VNN1: variants seen among roughly 807,000 people sequenced by gnomAD.
VNN1 encodes the protein pantetheinase.
A neutral mutation model predicts 41.9 loss-of-function variants in VNN1; 29 were observed. The observed-to-expected ratio is 0.69, with a 90% confidence interval of 0.52 to 0.94. VNN1 has a LOEUF of 0.94. Among genes scored for constraint, VNN1 ranks in the 40% least tolerant of loss-of-function variants. VNN1 has a pLI of 0.00. For synonymous variants in VNN1, 233 were observed against 224.4 expected (o/e 1.04, Z -0.34); for missense variants, 637 against 621.1 (o/e 1.03, Z -0.27).
At chr6:132,708,070 A>G (rs1422929252) in intron 2 of VNN1, among the ~76,000 whole-genome samples, 1 of 152,206 alleles carries the variant, frequency 6.6e-6, no homozygotes, top group Admixed American at 6.5e-5. Flanking sequence ...TACATCTACT[A>G]TGTACCCATG....
chr6:132,700,373 G>C (rs144421740), intron 2 of VNN1, among the ~76,000 whole-genome samples: 1 of 152,298 alleles, frequency 6.6e-6, no homozygotes, highest in Non-Finnish European at 1.5e-5. Flanking sequence ...CTCAGATGCT[G>C]TAAGGTGAAA....
chr6:132,699,169 T>C, intron 2 of VNN1: 1 of 372,946 alleles, frequency 2.7e-6, no homozygotes, highest in Non-Finnish European at 5.4e-6. Flanking sequence ...GGTTCACGGT[T>C]TCAGACTTGA....
rs73772935 is a variant in VNN1 at position 132,691,544 on chromosome 6, T to C, written c.1188+679A>G. 7.8e-3 allele frequency among the ~76,000 whole-genome samples: 1,181 copies of C among 152,208 alleles called. 5 individuals carry two copies. Among genetic ancestry groups the C allele is most frequent in the African/African-American group, 0.027 (1,131 of 41,516 alleles). On this transcript the variant is annotated intron_variant, in intron 5 of 6. Transcript: ENST00000367928. ...GGCATTTGTGAACATATAAGGAAAA[T>C]GGCTTAATTTGTTCAGGCAGGAAAT...
chr6:132,691,000 C>G (rs897298345), intron 5 of VNN1, among the ~76,000 whole-genome samples: 7 of 152,090 alleles, frequency 4.6e-5, no homozygotes, highest in African/African-American at 1.7e-4. Flanking sequence ...TGGGGCTCGC[C>G]ACGGATAAAG....
chr6:132,685,643 G>T (rs1778194460), intron 5 of VNN1, among the ~76,000 whole-genome samples: 1 of 152,004 alleles, frequency 6.6e-6, no homozygotes, highest in Non-Finnish European at 1.5e-5. Context: ...GCAGTAGAAA[G>T]AGCCAAGAAT....
chr6:132,704,649 A>T (rs1049791488), intron 2 of VNN1, among the ~76,000 whole-genome samples: 4 of 152,014 alleles, frequency 2.6e-5, no homozygotes, highest in Admixed American at 6.5e-5. Flanking sequence ...ATATTTTTTT[A>T]AACTAGAAAA....
intron 5 of VNN1, among the ~76,000 whole-genome samples, chr6:132,686,885 C>T (rs992048694): frequency 2.0e-5 from 3 of 151,558 alleles, no homozygotes; most frequent in Admixed American, 6.6e-5. Context: ...GTTGAAACTC[C>T]GAAGACAAGA....
intron 2 of VNN1, among the ~76,000 whole-genome samples, chr6:132,703,030 A>C (rs539416863): frequency 6.6e-6 from 1 of 152,322 alleles, no homozygotes; most frequent in East Asian, 1.9e-4. Flanking sequence ...GTACCAACTT[A>C]GCCACAGTAA....
chr6:132,690,926 G>A (rs2114341665), intron 5 of VNN1, among the ~76,000 whole-genome samples: 1 of 152,292 alleles, frequency 6.6e-6, no homozygotes, highest in Admixed American at 6.5e-5. Context: ...AGCTCTGTGG[G>A]AAATATCCAG....
Position 132,714,036 on chromosome 6 carries a change from G to C in VNN1, c.-1C>G, listed in dbSNP as rs1474185164. On this transcript the variant is annotated 5_prime_UTR_variant, in exon 1 of 7. Transcript: ENST00000367928. ...CGTAAGCTGGCAACTGAGTAGTCAT[G>C]CTGAAGTCCAATGAGTGCTGAAAAA... 1 of 1,610,170 alleles carries C rather than the reference G, an allele frequency of 6.2e-7. No individual in the cohort carries two copies. Among genetic ancestry groups the C allele is most frequent in the East Asian group, 2.2e-5 (1 of 44,690 alleles).
At position 132,706,673 on chromosome 6, in the gene VNN1, A is replaced by T. The variant is rs1340114493; in HGVS notation, c.341+5036T>A. On this transcript the variant is annotated intron_variant, in intron 2 of 6. Coordinates refer to ENST00000367928, the MANE Select transcript of VNN1 (RefSeq NM_004666.3). Reference sequence around the variant, plus strand: ...GGACAAATGGAATCACATGAAGGTAAAAAGCTTCTGCACAGCAGGGGAAAC... The same window carrying T: ...GGACAAATGGAATCACATGAAGGTATAAAGCTTCTGCACAGCAGGGGAAAC... Among the ~76,000 whole-genome samples, 3 of 152,172 alleles carry T rather than the reference A, an allele frequency of 2.0e-5. No homozygotes were observed. In the East Asian group the frequency reaches 5.8e-4, roughly 29 times the overall value.
In VNN1 at chr6:132,683,593, T is replaced by C. The variant is rs1275275808; in HGVS notation, c.1360-271A>G. ...GAGTTAATAAACACAAACCAGTGGA[T>C]TTGGCAGTATACAGAAGAGAAACCT... On this transcript the variant is annotated intron_variant, in intron 6 of 6. Transcript: ENST00000367928. Among the ~76,000 whole-genome samples, 6 of 152,284 alleles carry C rather than the reference T, an allele frequency of 3.9e-5. No individual in the cohort carries two copies. The East Asian group carries it at 9.6e-4, about 24-fold the overall frequency.
At chr6:132,709,556 C>T (rs562206141) in intron 2 of VNN1, among the ~76,000 whole-genome samples, 4 of 151,500 alleles carry the variant, frequency 2.6e-5, no homozygotes, top group African/African-American at 7.3e-5. Flanking sequence ...TTGTCATCTT[C>T]GGGAGGCTGA....
In VNN1 at chr6:132,713,846, T is replaced by C; in HGVS notation, c.190A>G (p.Ile64Val). Reference sequence around the variant, plus strand: ...GGTACCTGATCTGCTGCTGATGTGATCGCTCCTTCCAAAATGTCCAGATTC... The same window carrying C: ...GGTACCTGATCTGCTGCTGATGTGACCGCTCCTTCCAAAATGTCCAGATTC... ...NRNLDILEGAITSAADQGAHI... is the reference protein window; with the variant it reads ...NRNLDILEGAVTSAADQGAHI... The change falls in exon 1 of 7, where the codon ATC (isoleucine) becomes GTC (valine). Residue 64 changes from isoleucine (I) to valine (V), a missense_variant. Transcript: ENST00000367928. 1 of 1,613,038 alleles carries C rather than the reference T, an allele frequency of 6.2e-7. No homozygotes were observed. Among genetic ancestry groups the C allele is most frequent in the Admixed American group, 1.7e-5 (1 of 60,020 alleles).
At chr6:132,707,776 G>T (rs1444359882) in intron 2 of VNN1, among the ~76,000 whole-genome samples, 1 of 152,194 alleles carries the variant, frequency 6.6e-6, no homozygotes, top group Non-Finnish European at 1.5e-5. Context: ...AGGCTGGGAA[G>T]GGTAGTTAGG....
In VNN1 at chr6:132,711,699, G is replaced by C. The variant is rs775792717; in HGVS notation, c.341+10C>G. The C allele has an allele frequency of 1.6e-5, 25 of 1,604,358 alleles. 1 individual carries two copies. The South Asian group carries it at 2.8e-4, about 18-fold the overall frequency. On this transcript the variant is annotated intron_variant, in intron 2 of 6. Coordinates refer to ENST00000367928, the MANE Select transcript of VNN1 (RefSeq NM_004666.3). ...TTTACTAGTGAATTTTTCACAAGTT[G>C]TTTCTTTACCTGTTACGATTATTAC...
intron 2 of VNN1, among the ~76,000 whole-genome samples, chr6:132,701,117 T>C (rs548569824): frequency 2.7e-4 from 41 of 152,350 alleles, no homozygotes; most frequent in African/African-American, 9.6e-4. Context: ...TCTGGAAAGG[T>C]ACACTGTGAC....
intron 2 of VNN1, among the ~76,000 whole-genome samples, chr6:132,705,999 G>A (rs1778512093): frequency 6.6e-6 from 1 of 152,070 alleles, no homozygotes; most frequent in Admixed American, 6.6e-5. Context: ...AAACATTGAT[G>A]TAAGAAATTG....
rs537618266 is a variant in VNN1 at position 132,686,222 on chromosome 6, G to A, written c.1189-1717C>T. On this transcript the variant is annotated intron_variant, in intron 5 of 6. Coordinates refer to ENST00000367928, the MANE Select transcript of VNN1 (RefSeq NM_004666.3). ...AGCACTTTGGGAGGCCGAGGCAGGC[G>A]GATCACTTGAGGTCAGGAGTTCGAG... Among the ~76,000 whole-genome samples, 34 of 152,270 alleles carry A rather than the reference G, an allele frequency of 2.2e-4. No individual in the cohort carries two copies. The South Asian group carries it at 5.8e-3, about 26-fold the overall frequency.
Sources: allele counts gnomAD v4.1 joint callset (sites outside exome capture counted in the v4.1 genomes callset), GRCh38; gene constraint gnomAD v4.1.1; transcripts MANE v1.5; gene names NCBI Gene and HGNC (gene_info 2026-07-23, HGNC 2026-07-21).